The following IKZF3 variants were observed in gnomAD, a reference collection of about 807,000 sequenced individuals.
The protein encoded by IKZF3 is zinc finger protein Aiolos.
A neutral mutation model predicts 49.0 loss-of-function variants in IKZF3; 10 were observed. The ratio of observed to expected loss-of-function variants is 0.20; its 90% CI spans 0.13 to 0.35. The LOEUF is 0.35. Ranked by LOEUF, IKZF3 falls within the 10% of genes least tolerant of loss-of-function variation. IKZF3 has a pLI of 1.00. For missense variants in IKZF3, 498 were observed against 664.8 expected, an observed-to-expected ratio of 0.75 and a Z score of 2.76; for synonymous variants, 209 against 228.2, an observed-to-expected ratio of 0.92 and a Z score of 0.76.
intron 3 of IKZF3, among the ~76,000 whole-genome samples, chr17:39,799,407 A>G (rs891923543): frequency 6.6e-6 from 1 of 152,238 alleles, no homozygotes; most frequent in Non-Finnish European, 1.5e-5. Flanking sequence ...CTTATAGAAT[A>G]AAGTCCAAAC....
At chr17:39,799,540 T>A (rs1331124453) in intron 3 of IKZF3, among the ~76,000 whole-genome samples, 1 of 152,160 alleles carries the variant, frequency 6.6e-6, no homozygotes, top group Non-Finnish European at 1.5e-5. Context: ...CAAAGTGAGG[T>A]CCTTGGATAA....
rs928313663 is a variant in IKZF3 at position 39,759,500 on chromosome 17, G to C, written c.*6290C>G. On this transcript the variant is annotated 3_prime_UTR_variant, in exon 8 of 8. Coordinates refer to ENST00000346872, the MANE Select transcript of IKZF3 (RefSeq NM_012481.5). ...AACCCTGTGTATCTTCATAACAATGGTGGGGCAAAGACTATCTACAGCTGG... is the reference window on the plus strand; with the variant it reads ...AACCCTGTGTATCTTCATAACAATGCTGGGGCAAAGACTATCTACAGCTGG... 6.6e-6 allele frequency: 1 copy of C among 152,128 alleles called. No individual in the cohort carries two copies. The highest frequency in any genetic ancestry group is 6.6e-5 in the Admixed American group (1 of 15,264). 9.4% of individuals were successfully genotyped at this position (152,128 alleles called of 1,614,324 possible).
At chr17:39,780,077 G>A (rs1161355172) in intron 6 of IKZF3, among the ~76,000 whole-genome samples, 1 of 151,916 alleles carries the variant, frequency 6.6e-6, no homozygotes, top group Non-Finnish European at 1.5e-5. Context: ...GTTGGCATGC[G>A]CCTGTAGTCC....
chr17:39,815,895 G>C (rs932249673), intron 3 of IKZF3, among the ~76,000 whole-genome samples: 1 of 152,222 alleles, frequency 6.6e-6, no homozygotes, highest in Non-Finnish European at 1.5e-5. Flanking sequence ...TGTAAATATA[G>C]GTTAGGGCTT....
At chr17:39,792,959 G>T in intron 3 of IKZF3, 26 bp from the exon 4 acceptor site, 2 of 1,607,140 alleles carry the variant, frequency 1.2e-6, no homozygotes, top group South Asian at 1.1e-5. Context: ...TGCAAGAAAT[G>T]AACAACGACT....
chr17:39,828,009 A>G (rs2062003447), intron 3 of IKZF3, among the ~76,000 whole-genome samples: 1 of 152,138 alleles, frequency 6.6e-6, no homozygotes, highest in Non-Finnish European at 1.5e-5. Context: ...AATTCTTGCC[A>G]AAGAGGAGGA....
chr17:39,776,800 G>A (rs762116970), intron 7 of IKZF3, among the ~76,000 whole-genome samples: 3 of 152,094 alleles, frequency 2.0e-5, no homozygotes, highest in African/African-American at 4.8e-5. Context: ...AATCAACAGC[G>A]GCAAGCAGCT....
At chr17:39,787,869 C>T (rs1185794635) in intron 6 of IKZF3, among the ~76,000 whole-genome samples, 1 of 152,230 alleles carries the variant, frequency 6.6e-6, no homozygotes, top group East Asian at 1.9e-4. Context: ...GATCTGGTTT[C>T]CCATTTCCTC....
chr17:39,833,823 C>T (rs531066907), intron 1 of IKZF3, among the ~76,000 whole-genome samples: 179 of 152,112 alleles, frequency 1.2e-3, no homozygotes, highest in African/African-American at 4.2e-3. Context: ...TACCCCACAC[C>T]CAATTTCCCC....
chr17:39,855,012 C>T (rs1420184220), intron 1 of IKZF3, among the ~76,000 whole-genome samples: 2 of 152,128 alleles, frequency 1.3e-5, no homozygotes, highest in Admixed American at 6.5e-5. Context: ...AGAGGCAAGT[C>T]TAGATACAGG....
chr17:39,812,824 C>T (rs1250701666), intron 3 of IKZF3, among the ~76,000 whole-genome samples: 9 of 152,270 alleles, frequency 5.9e-5, no homozygotes, highest in South Asian at 2.1e-4. Flanking sequence ...AGAGGCAGGG[C>T]GAAGTGGCTC....
intron 6 of IKZF3, among the ~76,000 whole-genome samples, chr17:39,787,898 T>C (rs1042400263): frequency 1.3e-5 from 2 of 152,246 alleles, no homozygotes; most frequent in African/African-American, 4.8e-5. Flanking sequence ...CAGGTCCCAT[T>C]ACTCACTGTG....
At chr17:39,776,398 CATTT>C (rs1271335979) in intron 7 of IKZF3, among the ~76,000 whole-genome samples, 1 of 152,170 alleles carries the variant, frequency 6.6e-6, no homozygotes, top group African/African-American at 2.4e-5. Context: ...TTAAACTCAC[CATTT>C]GTTTACTGTG....
chr17:39,850,685 C>CTAT (rs2062822887), intron 1 of IKZF3, among the ~76,000 whole-genome samples: 1 of 1,208 alleles, frequency 8.3e-4, no homozygotes, highest in African/African-American at 4.5e-3. Flanking sequence ...TATATATACA[C>CTAT]ATATTATATA....
intron 7 of IKZF3, among the ~76,000 whole-genome samples, chr17:39,776,276 C>T (rs967795837): frequency 3.3e-5 from 5 of 152,192 alleles, no homozygotes; most frequent in Admixed American, 3.3e-4. Context: ...TAACTTTCTC[C>T]AAACTAAAAT....
intron 3 of IKZF3, among the ~76,000 whole-genome samples, chr17:39,805,364 G>A (rs2061410829): frequency 6.6e-6 from 1 of 152,158 alleles, no homozygotes; most frequent in Non-Finnish European, 1.5e-5. Flanking sequence ...GCCGAAGACA[G>A]AGGGAAAAAA....
intron 1 of IKZF3, among the ~76,000 whole-genome samples, chr17:39,842,236 G>A (rs1308430640): frequency 6.6e-6 from 1 of 152,120 alleles, no homozygotes; most frequent in Admixed American, 6.5e-5. Flanking sequence ...TTTACTCCAA[G>A]ATGGGCATAG....
At position 39,766,434 on chromosome 17, in the gene IKZF3, T is replaced by C. The variant is rs1432830537; in HGVS notation, c.886A>G (p.Ser296Gly). 6.2e-7 allele frequency: 1 copy of C among 1,614,028 alleles called. No homozygotes were observed. Among genetic ancestry groups the C allele is most frequent in the African/African-American group, 1.3e-5 (1 of 75,032 alleles). The change falls in exon 8 of 8, where the codon AGT becomes GGT. Residue 296 changes from serine to glycine, a missense_variant. By Grantham distance (56) the Ser-to-Gly change is moderately conservative. Transcript: ENST00000346872. ...ATCATGCGGGTCTGTATGAGCTCAC[T>C]CTCTTTCTCATACATGTAACTTGAA... The part of the protein sequence containing the change: ...YNSSYMYEKE[S>G]ELIQTRMMDQ...
chr17:39,795,174 C>G (rs184993652), intron 3 of IKZF3, among the ~76,000 whole-genome samples: 1 of 152,158 alleles, frequency 6.6e-6, no homozygotes, highest in Admixed American at 6.5e-5. Context: ...GAATTCAATA[C>G]GACACCATCC....
Sources: allele counts gnomAD v4.1 joint callset (sites outside exome capture counted in the v4.1 genomes callset), GRCh38; gene constraint gnomAD v4.1.1; transcripts MANE v1.5; gene names NCBI Gene and HGNC (gene_info 2026-07-23, HGNC 2026-07-21).